Variants in SRP19 observed in about 807,000 individuals in gnomAD.
SRP19 encodes signal recognition particle 19, also known as signal recognition particle 19 kDa protein.
Under a neutral mutation model 22.4 loss-of-function variants are expected in SRP19, and 11 were observed. That is an observed-to-expected ratio of 0.49 (90% CI 0.31 to 0.81). The LOEUF is 0.81. Ranked by LOEUF, SRP19 falls within the 40% of genes least tolerant of loss-of-function variation. The pLI, the probability that SRP19 is intolerant of heterozygous loss-of-function variation, is 0.05. For synonymous variants in SRP19, 61 were observed against 57.6 expected (o/e 1.06, Z -0.27); for missense variants, 168 against 175.9 (o/e 0.96, Z 0.25).
chr5:112,862,614 G>A lies in SRP19; in HGVS notation c.117+31G>A, dbSNP rs776905962. On this transcript the variant is annotated intron_variant, in intron 2 of 4. Coordinates refer to ENST00000505459, the MANE Select transcript of SRP19 (RefSeq NM_003135.3). ...CAAGATGGCTGGCACCTTGATCCTC[G>A]AGGGAATGGGGGGTGTCATCCTGGT... The A allele has an allele frequency of 4.4e-5, 71 of 1,595,864 alleles. No homozygotes were observed. The South Asian group carries it at 6.1e-4, about 14-fold the overall frequency.
Position 112,867,645 on chromosome 5 carries a change from A to G in SRP19, c.*108A>G. On this transcript the variant is annotated 3_prime_UTR_variant, in exon 5 of 5. Transcript: ENST00000505459. ...CTTTTTGTTTGCATCATTTAACTGA[A>G]CTGTGAACCCTTGTGCCTCTCATCT... 1 of 1,387,352 alleles carries G rather than the reference A, an allele frequency of 7.2e-7. No homozygotes were observed. The highest frequency in any genetic ancestry group is 2.0e-5 in the South Asian group (1 of 50,928). The allele number at this position is 1,387,352 out of a possible 1,614,324, so 85.9% of individuals were successfully genotyped here. A position where few individuals can be genotyped will look rare whatever the true frequency, so the allele number is the denominator to read the frequency against.
At chr5:112,888,706 T>TA (rs1178798059) in intron 4 of SRP19, among the ~76,000 whole-genome samples, 1 of 151,084 alleles carries the variant, frequency 6.6e-6, no homozygotes, top group African/African-American at 2.5e-5. Flanking sequence ...TAAAATTTGT[T>TA]ACACATGCAC....
At chr5:112,883,032 G>A (rs187779777) in intron 4 of SRP19, among the ~76,000 whole-genome samples, 12 of 152,284 alleles carry the variant, frequency 7.9e-5, no homozygotes, top group Admixed American at 4.6e-4. Context: ...CAAGGACAGA[G>A]CTCCAACAAT....
exon 5 of SRP19, chr5:112,892,932 T>C (rs1321397460): frequency 2.4e-5 from 38 of 1,601,186 alleles, no homozygotes; most frequent in Middle Eastern, 1.7e-4. Flanking sequence ...GAGGAAGAAA[T>C]AGGCACCGCA....
intron 2 of SRP19, among the ~76,000 whole-genome samples, chr5:112,863,180 A>C (rs1387784637): frequency 1.3e-5 from 2 of 152,154 alleles, no homozygotes; most frequent in African/African-American, 4.8e-5. Flanking sequence ...CATATGCTCA[A>C]AAATACCAGG....
intron 4 of SRP19, among the ~76,000 whole-genome samples, chr5:112,884,347 A>G (rs2150035226): frequency 6.6e-6 from 1 of 151,522 alleles, no homozygotes; most frequent in Non-Finnish European, 1.5e-5. Flanking sequence ...AGCTCATTCT[A>G]AAGTATGATT....
At chr5:112,891,030 G>A (rs996909516) in intron 4 of SRP19, among the ~76,000 whole-genome samples, 5 of 150,428 alleles carry the variant, frequency 3.3e-5, no homozygotes, top group African/African-American at 1.2e-4. Context: ...TTTCAGTAGG[G>A]GAAAGCAAAT....
At chr5:112,876,409 A>ACAT (rs1162075173) in intron 4 of SRP19, 4 of 152,244 alleles carry the variant, frequency 2.6e-5, no homozygotes, top group East Asian at 1.9e-4. Flanking sequence ...AATTTTATTT[A>ACAT]CATCTATTTA....
At chr5:112,874,776 A>AT (rs34164046), downstream of SRP19, among the ~76,000 whole-genome samples, 9,074 of 134,672 alleles carry the variant, frequency 0.067, 911 homozygotes, top group African/African-American at 0.21. Context: ...ATGTGCGCCA[A>AT]TTTTTTTTTT....
Position 112,868,208 on chromosome 5 carries a change from G to C in SRP19, c.*671G>C. On this transcript the variant is annotated 3_prime_UTR_variant, in exon 5 of 5. Coordinates refer to ENST00000505459, the MANE Select transcript of SRP19 (RefSeq NM_003135.3). The stretch of plus-strand genomic sequence containing the variant: ...TCATGGGAGTTGTAAAATTAACTGT[G>C]CTTTAGCACCTTGAGGTACACTTTC... The C allele has an allele frequency of 1.0e-6, 1 of 985,442 alleles. No individual in the cohort carries two copies. Among genetic ancestry groups the C allele is most frequent in the Non-Finnish European group, 1.2e-6 (1 of 829,954 alleles). The allele number at this position is 985,442 out of a possible 1,614,324, so 61.0% of individuals were successfully genotyped here. A position where few individuals can be genotyped will look rare whatever the true frequency, so the allele number is the denominator to read the frequency against.
intron 1 of SRP19, 105 bp from the exon 2 acceptor site, chr5:112,862,403 T>C: frequency 1.1e-6 from 1 of 914,300 alleles, no homozygotes; most frequent in Non-Finnish European, 1.8e-6. Context: ...AGTACCCATC[T>C]GATATCTAGG....
At chr5:112,889,368 A>G (rs1351854455) in intron 4 of SRP19, among the ~76,000 whole-genome samples, 2 of 150,916 alleles carry the variant, frequency 1.3e-5, no homozygotes, top group Non-Finnish European at 2.9e-5. Flanking sequence ...TGGGAAAGAT[A>G]TATCAGACAA....
chr5:112,863,874 A>G (rs1767498613), intron 2 of SRP19, among the ~76,000 whole-genome samples: 1 of 152,142 alleles, frequency 6.6e-6, no homozygotes, highest in Non-Finnish European at 1.5e-5. Flanking sequence ...CATGTTGTCC[A>G]GGCTTGTCTC....
chr5:112,863,341 T>G (rs538354966), intron 2 of SRP19, among the ~76,000 whole-genome samples: 20 of 152,334 alleles, frequency 1.3e-4, no homozygotes, highest in Non-Finnish European at 2.2e-4. Context: ...TGTAGTTGAA[T>G]TTTCATTGCT....
exon 5 of SRP19, chr5:112,892,679 C>T (rs774876309): frequency 6.2e-7 from 1 of 1,613,906 alleles, no homozygotes; most frequent in African/African-American, 1.3e-5. Context: ...TTCTGGGAAG[C>T]TAATAGAGAC....
downstream of SRP19, among the ~76,000 whole-genome samples, chr5:112,874,060 G>A (rs1767841187): frequency 6.6e-6 from 1 of 152,168 alleles, no homozygotes; most frequent in Non-Finnish European, 1.5e-5. Context: ...TAGCTACTCT[G>A]GAGGCTGAGG....
intron 4 of SRP19, among the ~76,000 whole-genome samples, chr5:112,887,581 G>A (rs892261966): frequency 6.6e-6 from 1 of 152,066 alleles, no homozygotes; most frequent in African/African-American, 2.4e-5. Flanking sequence ...GGAGGCCTGT[G>A]CTTGGTAGGC....
chr5:112,871,736 G>T (rs1767767127), downstream of SRP19, among the ~76,000 whole-genome samples: 1 of 152,126 alleles, frequency 6.6e-6, no homozygotes, highest in Non-Finnish European at 1.5e-5. Flanking sequence ...TCCAGCCTGG[G>T]TGACAGAGTG....
chr5:112,880,844 C>T (rs1372854296), intron 4 of SRP19, among the ~76,000 whole-genome samples: 1 of 152,058 alleles, frequency 6.6e-6, no homozygotes, highest in African/African-American at 2.4e-5. Context: ...AGCTGGTAAT[C>T]CTGGCTGGGC....
Sources: gnomAD v4.1 joint callset for allele counts (sites outside exome capture counted in the v4.1 genomes callset) on GRCh38, gnomAD v4.1.1 for gene constraint, MANE v1.5 for transcripts, NCBI Gene and HGNC (gene_info 2026-07-23, HGNC 2026-07-21) for gene names.